Variants in GATAD2B observed in about 807,000 individuals in gnomAD.
GATAD2B encodes the protein GATA zinc finger domain containing 2B.
A neutral mutation model predicts 64.3 loss-of-function variants in GATAD2B; 8 were observed. The observed-to-expected ratio is 0.12, with a 90% CI of 0.07 to 0.22. The LOEUF (loss-of-function observed/expected upper bound fraction) is 0.22, where lower values mean the gene tolerates loss of function less well. Among genes scored for constraint, GATAD2B ranks in the 10% least tolerant of loss-of-function variants. The pLI is 1.00. For synonymous variants in GATAD2B, 281 were observed against 271.3 expected, an observed-to-expected ratio of 1.04 and a Z score of -0.35; for missense variants, 453 against 752.0, an observed-to-expected ratio of 0.60 and a Z score of 4.65.
intron 1 of GATAD2B, among the ~76,000 whole-genome samples, chr1:153,907,356 T>C (rs902974528): frequency 2.1e-4 from 32 of 152,324 alleles, no homozygotes; most frequent in African/African-American, 7.7e-4. Flanking sequence ...TGCTACAACA[T>C]GGATAAATCA....
intron 3 of GATAD2B, 73 bp downstream of exon 3, chr1:153,819,533 A>C: frequency 9.0e-7 from 1 of 1,105,498 alleles, no homozygotes; most frequent in Non-Finnish European, 1.3e-6. Flanking sequence ...AAAAAACAGA[A>C]CTAAATCTCT....
chr1:153,920,075 T>C (rs1185737804), intron 1 of GATAD2B, among the ~76,000 whole-genome samples: 1 of 152,224 alleles, frequency 6.6e-6, no homozygotes, highest in Non-Finnish European at 1.5e-5. Flanking sequence ...ACATGGAATA[T>C]GCTCCAGAGT....
chr1:153,838,795 G>C (rs1225497674), intron 1 of GATAD2B, among the ~76,000 whole-genome samples: 1 of 152,148 alleles, frequency 6.6e-6, no homozygotes, highest in African/African-American at 2.4e-5. Flanking sequence ...TTACTGAAAT[G>C]TGAGGATGAA....
At chr1:153,828,888 CTTTGA>C (rs1303616551) in intron 1 of GATAD2B, among the ~76,000 whole-genome samples, 1 of 152,086 alleles carries the variant, frequency 6.6e-6, no homozygotes, top group African/African-American at 2.4e-5. Context: ...TCCCTTTTCA[CTTTGA>C]TTTTTTTTAC....
Position 153,817,548 on chromosome 1 carries a change from G to T in GATAD2B, c.730-6C>A. The T allele has an allele frequency of 6.3e-7, 1 of 1,579,172 alleles. No individual in the cohort carries two copies. The highest frequency in any genetic ancestry group is 8.6e-7 in the Non-Finnish European group (1 of 1,164,326). ...GAACGGATGACACTGTGACCCTGGAGGGGAAGAAGAGGAAAAGAACTAATC... is the reference window on the plus strand; with the variant it reads ...GAACGGATGACACTGTGACCCTGGATGGGAAGAAGAGGAAAAGAACTAATC... On this transcript the variant is annotated splice_region_variant and splice_polypyrimidine_tract_variant and intron_variant, in intron 5 of 10. Transcript: ENST00000368655.
chr1:153,844,867 C>T (rs1675627002), intron 1 of GATAD2B, among the ~76,000 whole-genome samples: 1 of 149,556 alleles, frequency 6.7e-6, no homozygotes, highest in African/African-American at 2.5e-5. Flanking sequence ...ACATATGTAA[C>T]TAACCTGCAC....
At chr1:153,843,291 C>T (rs761850611) in intron 1 of GATAD2B, among the ~76,000 whole-genome samples, 1 of 151,650 alleles carries the variant, frequency 6.6e-6, no homozygotes, top group African/African-American at 2.4e-5. Flanking sequence ...CACACCACCA[C>T]ACTTGGCTAA....
At chr1:153,879,948 T>C (rs565069078) in intron 1 of GATAD2B, among the ~76,000 whole-genome samples, 2 of 152,266 alleles carry the variant, frequency 1.3e-5, no homozygotes, top group East Asian at 3.9e-4. Flanking sequence ...ATGTGCTGTT[T>C]GACTGTCCTT....
Position 153,815,280 on chromosome 1 carries a change from C to CAAAAAAAAAAA in GATAD2B, c.1216+982_1216+992dup, listed in dbSNP as rs1159204191. On this transcript the variant is annotated intron_variant, in intron 7 of 10. Coordinates refer to ENST00000368655, the MANE Select transcript of GATAD2B (RefSeq NM_020699.4). ...AGGGTCAGACCCTGTCTCAAAAAAA[C>CAAAAAAAAAAA]AAAAAAAAAAAACAAAAAAAAAAAA... 3.7e-3 allele frequency among the ~76,000 whole-genome samples: 246 copies of CAAAAAAAAAAA among 66,390 alleles called. 7 individuals carry two copies. Among genetic ancestry groups the CAAAAAAAAAAA allele is most frequent in the Non-Finnish European group, 4.3e-3 (160 of 36,910 alleles). The allele number at this position is 66,390 out of a possible 152,430, so 43.6% of individuals were successfully genotyped here. A position where few individuals can be genotyped will look rare whatever the true frequency, so the allele number is the denominator to read the frequency against.
chr1:153,824,105 G>A (rs1047462229), intron 2 of GATAD2B, among the ~76,000 whole-genome samples: 5 of 152,188 alleles, frequency 3.3e-5, no homozygotes, highest in Admixed American at 6.5e-5. Context: ...AGCTTCCAGA[G>A]GATTGTGTTT....
intron 1 of GATAD2B, among the ~76,000 whole-genome samples, chr1:153,867,875 A>C (rs1304055740): frequency 6.6e-6 from 1 of 151,870 alleles, no homozygotes; most frequent in African/African-American, 2.4e-5. Flanking sequence ...ACAACAAAAA[A>C]AAGAGTCACC....
chr1:153,838,427 A>G (rs1242604413), intron 1 of GATAD2B, among the ~76,000 whole-genome samples: 2 of 151,634 alleles, frequency 1.3e-5, no homozygotes, highest in African/African-American at 4.9e-5. Flanking sequence ...TTGTTTTGAG[A>G]TGGAGTTTTT....
At chr1:153,922,458 G>A (rs1678481198) in intron 1 of GATAD2B, among the ~76,000 whole-genome samples, 3 of 147,434 alleles carry the variant, frequency 2.0e-5, no homozygotes, top group Admixed American at 1.4e-4. Flanking sequence ...AGGCCGAAGT[G>A]AAAGACCGGG....
At chr1:153,836,176 G>A (rs572971862) in intron 1 of GATAD2B, among the ~76,000 whole-genome samples, 1 of 151,742 alleles carries the variant, frequency 6.6e-6, no homozygotes, top group Non-Finnish European at 1.5e-5. Context: ...GCAGTGGCTT[G>A]TGTGTGTAAT....
Position 153,891,762 on chromosome 1 carries a change from T to C in GATAD2B, c.-2+30971A>G, listed in dbSNP as rs578089135. On this transcript the variant is annotated intron_variant, in intron 1 of 10. Transcript: ENST00000368655. ...AAACTTTTTCCAATTGTAAATTCTG[T>C]ACCATGTGCATATATCACCTATCCA... Among the ~76,000 whole-genome samples, 6 of 151,800 alleles carry C rather than the reference T, an allele frequency of 4.0e-5. No individual in the cohort carries two copies. The South Asian group carries it at 1.0e-3, about 26-fold the overall frequency.
intron 1 of GATAD2B, among the ~76,000 whole-genome samples, chr1:153,895,249 A>G (rs552950496): frequency 3.3e-5 from 5 of 152,038 alleles, no homozygotes; most frequent in Non-Finnish European, 7.4e-5. Flanking sequence ...TGAGAGAATC[A>G]GGTGAACCTG....
intron 1 of GATAD2B, among the ~76,000 whole-genome samples, chr1:153,858,660 T>A (rs1340374164): frequency 2.0e-5 from 3 of 152,008 alleles, no homozygotes; most frequent in Non-Finnish European, 4.4e-5. Flanking sequence ...CTTGGGTCTA[T>A]GTAAAGGCTG....
intron 1 of GATAD2B, among the ~76,000 whole-genome samples, chr1:153,850,738 T>C (rs1322100149): frequency 1.3e-5 from 2 of 152,024 alleles, no homozygotes; most frequent in African/African-American, 2.4e-5. Context: ...CTGGCCAACA[T>C]AGTGAAACTT....
chr1:153,823,730 TTTTG>T (rs1216623817), intron 2 of GATAD2B, among the ~76,000 whole-genome samples: 2 of 151,832 alleles, frequency 1.3e-5, no homozygotes, highest in South Asian at 2.1e-4. Context: ...TTTTTTGTTT[TTTTG>T]TTTGTTTTTT....
Sources: allele counts gnomAD v4.1 joint callset (sites outside exome capture counted in the v4.1 genomes callset), GRCh38; gene constraint gnomAD v4.1.1; transcripts MANE v1.5; gene names NCBI Gene and HGNC (gene_info 2026-07-23, HGNC 2026-07-21).